Variants in ATE1 observed in about 807,000 individuals in gnomAD.
ATE1 encodes the protein arginyltransferase 1.
In ATE1, 36 loss-of-function variants were observed where a neutral mutation model predicts 70.5. That is an observed-to-expected ratio of 0.51 (90% confidence interval 0.39 to 0.67). ATE1 has a LOEUF of 0.67. Ranked by LOEUF, ATE1 falls within the 30% of genes least tolerant of loss-of-function variation. ATE1 has a pLI of 0.00. For missense variants in ATE1, 593 were observed against 629.5 expected, an observed-to-expected ratio of 0.94 and a Z score of 0.62; for synonymous variants, 232 against 219.3, an observed-to-expected ratio of 1.06 and a Z score of -0.51.
chr10:121,813,894 T>C (rs1947426764), intron 10 of ATE1, among the ~76,000 whole-genome samples: 1 of 152,168 alleles, frequency 6.6e-6, no homozygotes, highest in Non-Finnish European at 1.5e-5. Context: ...GACTCTATCT[T>C]TGACATAAAC....
chr10:121,847,475 G>A (rs1190786233), intron 8 of ATE1, among the ~76,000 whole-genome samples: 1 of 150,544 alleles, frequency 6.6e-6, no homozygotes, highest in East Asian at 2.0e-4. Context: ...TAATAATAGT[G>A]AAAGGCCAGG....
chr10:121,808,522 A>T (rs1047725219), intron 10 of ATE1, among the ~76,000 whole-genome samples: 2 of 152,212 alleles, frequency 1.3e-5, no homozygotes, highest in Non-Finnish European at 2.9e-5. Context: ...ATCTGAGCAC[A>T]CATTCTCAAA....
rs1442874842 is a variant in ATE1, at chr10:121,899,994, C to A, written c.814G>T (p.Val272Leu). 1 of 1,611,714 alleles carries A rather than the reference C, an allele frequency of 6.2e-7. No individual in the cohort carries two copies. The highest frequency in any genetic ancestry group is 8.5e-7 in the Non-Finnish European group (1 of 1,178,818). Residue 272 changes from valine to leucine, a missense_variant and splice_region_variant, in exon 7 of 12, where the codon GTG (valine) becomes TTG (leucine). Around this residue, in one of 3 missense-constraint regions of ATE1, gnomAD observed 467 missense variants for 469.6 expected, o/e 0.99. Coordinates refer to ENST00000224652, the MANE Select transcript of ATE1 (RefSeq NM_001001976.3). ...LPENASHKLEVRVVRSSPPSS... is the reference protein window; with the variant it reads ...LPENASHKLELRVVRSSPPSS... ...GGTGGAGATGATCTCACCACCCTCA[C>A]CTTCAGAAGCAGTTAAAAAAACAAG...
chr10:121,760,760 A>G (rs952821251), intron 11 of ATE1, among the ~76,000 whole-genome samples: 3 of 152,240 alleles, frequency 2.0e-5, no homozygotes, highest in African/African-American at 7.2e-5. Context: ...TCCAATTCTG[A>G]AAGAAGTTCT....
rs1944216664 is a variant in ATE1, at chr10:121,743,597, G to A, written c.*83C>T. 7.0e-7 allele frequency: 1 copy of A among 1,425,998 alleles called. No homozygotes were observed. The highest frequency in any genetic ancestry group is 9.2e-7 in the Non-Finnish European group (1 of 1,092,260). 88.3% of individuals were successfully genotyped at this position (1,425,998 alleles called of 1,614,324 possible). On this transcript the variant is annotated 3_prime_UTR_variant, in exon 12 of 12. Transcript: ENST00000224652. ...AATGTCTAATTTGTGGGTGGTGACA[G>A]TTATTTCCCCACAGGTACTGAATAT...
intron 1 of ATE1, 134 bp downstream of exon 1, chr10:121,927,710 C>G: frequency 7.4e-7 from 1 of 1,343,378 alleles, no homozygotes. Context: ...GCGGCCCTCC[C>G]GAGAGTGCCC....
At chr10:121,786,562 A>C (rs1218258118) in intron 11 of ATE1, among the ~76,000 whole-genome samples, 1 of 152,028 alleles carries the variant, frequency 6.6e-6, no homozygotes, top group East Asian at 1.9e-4. Flanking sequence ...CCAGCTACTT[A>C]AGAGACTGAG....
chr10:121,797,272 AGAG>A (rs946257859), intron 10 of ATE1, among the ~76,000 whole-genome samples: 2 of 152,246 alleles, frequency 1.3e-5, no homozygotes, highest in African/African-American at 2.4e-5. Context: ...AAACTGATAC[AGAG>A]GAGGAGCAAA....
chr10:121,871,257 G>A lies in ATE1; in HGVS notation c.943-1219C>T, dbSNP rs571841963. On this transcript the variant is annotated intron_variant, in intron 7 of 11. Coordinates refer to ENST00000224652, the MANE Select transcript of ATE1 (RefSeq NM_001001976.3). ...ATCACCTGAGGGAGGACAGGAGTTC[G>A]AGTCGAGCCTGGCCAACATGGTGAA... is the stretch of plus-strand genomic sequence containing the variant. Among the ~76,000 whole-genome samples the A allele has an allele frequency of 3.0e-4, 45 of 152,206 alleles. No individual in the cohort carries two copies. In the South Asian group the frequency reaches 8.7e-3, roughly 29 times the overall value.
At chr10:121,844,290 T>C (rs1948736927) in intron 8 of ATE1, among the ~76,000 whole-genome samples, 1 of 152,198 alleles carries the variant, frequency 6.6e-6, no homozygotes, top group Non-Finnish European at 1.5e-5. Context: ...GGGCAAATGA[T>C]GTGAACAGAC....
At chr10:121,868,120 A>T (rs1949724971) in intron 8 of ATE1, among the ~76,000 whole-genome samples, 1 of 152,206 alleles carries the variant, frequency 6.6e-6, no homozygotes, top group African/African-American at 2.4e-5. Flanking sequence ...CTTAAAAAAT[A>T]AGATATCTTG....
chr10:121,820,622 C>G (rs181269844), intron 10 of ATE1, among the ~76,000 whole-genome samples: 5 of 152,128 alleles, frequency 3.3e-5, no homozygotes, highest in African/African-American at 1.2e-4. Context: ...AGTGCTTCAA[C>G]CATGCATTTG....
rs139251725 is a variant in ATE1, at chr10:121,762,881, C to A, written c.1379-19023G>T. Among the ~76,000 whole-genome samples, 317 of 152,288 alleles carry A rather than the reference C, an allele frequency of 2.1e-3. 1 individual carries two copies. Among genetic ancestry groups the A allele is most frequent in the Non-Finnish European group, 3.3e-3 (222 of 68,016 alleles). On this transcript the variant is annotated intron_variant, in intron 11 of 11. Coordinates refer to ENST00000224652, the MANE Select transcript of ATE1 (RefSeq NM_001001976.3). ...TCATACTTTTGTGACCAGAAATATT[C>A]TGTAGGAACTTAACTCTTGTTTATA...
At chr10:121,853,895 G>A (rs1397554765) in intron 8 of ATE1, among the ~76,000 whole-genome samples, 1 of 152,156 alleles carries the variant, frequency 6.6e-6, no homozygotes, top group Admixed American at 6.5e-5. Flanking sequence ...CTCCTCACAT[G>A]ATGGTAGGGG....
chr10:121,805,550 C>T (rs777217559), intron 10 of ATE1, among the ~76,000 whole-genome samples: 74 of 152,220 alleles, frequency 4.9e-4, no homozygotes, highest in African/African-American at 1.7e-3. Context: ...AAGATTTGAA[C>T]GCAGCTCTCG....
At chr10:121,895,545 C>T (rs528432374) in intron 7 of ATE1, among the ~76,000 whole-genome samples, 2 of 151,926 alleles carry the variant, frequency 1.3e-5, no homozygotes, top group South Asian at 2.1e-4. Context: ...ACCTTGGAGG[C>T]GGAGGTTGCA....
intron 3 of ATE1, among the ~76,000 whole-genome samples, chr10:121,915,920 A>AC (rs1951635424): frequency 6.7e-6 from 1 of 149,504 alleles, no homozygotes; most frequent in African/African-American, 2.5e-5. Flanking sequence ...ACAAAACAAA[A>AC]AAAAACAAGA....
At chr10:121,815,633 GA>G (rs1304942088) in intron 10 of ATE1, among the ~76,000 whole-genome samples, 1 of 152,146 alleles carries the variant, frequency 6.6e-6, no homozygotes, top group Non-Finnish European at 1.5e-5. Flanking sequence ...GAATTAGACG[GA>G]AACTTCTCTC....
intron 10 of ATE1, among the ~76,000 whole-genome samples, chr10:121,831,038 C>T (rs1017016188): frequency 3.3e-5 from 5 of 152,054 alleles, no homozygotes; most frequent in Non-Finnish European, 7.4e-5. Flanking sequence ...CACTATAATT[C>T]CTGAAATCAC....
Sources: gnomAD v4.1 joint callset for allele counts (sites outside exome capture counted in the v4.1 genomes callset) on GRCh38, gnomAD v4.1.1 for gene constraint, gnomAD v4.1.1 regional missense constraint, MANE v1.5 for transcripts, NCBI Gene and HGNC (gene_info 2026-07-23, HGNC 2026-07-21) for gene names.